The following THSD7B variants were observed in gnomAD, a reference collection of about 807,000 sequenced individuals.
THSD7B encodes thrombospondin type-1 domain-containing protein 7B.
THSD7B carries 138 observed loss-of-function variants against 213.6 expected under a neutral mutation model. That is an observed-to-expected ratio of 0.65 (90% confidence interval 0.56 to 0.74). The LOEUF is 0.74. Among genes scored for constraint, THSD7B ranks in the 30% least tolerant of loss-of-function variants. The pLI is 0.00. For synonymous variants in THSD7B, 742 were observed against 687.0 expected, an observed-to-expected ratio of 1.08 and a Z score of -1.25; for missense variants, 1,931 against 1,991.5, an observed-to-expected ratio of 0.97 and a Z score of 0.58.
At chr2:137,225,750 T>C (rs10198790) in intron 7 of THSD7B, among the ~76,000 whole-genome samples, 65,697 of 148,470 alleles carry the variant, frequency 0.44, 15,152 homozygotes, top group African/African-American at 0.53. Context: ...GTTTTTGTTA[T>C]TATAATATTT....
chr2:137,002,360 A>C (rs58171864), intron 2 of THSD7B, among the ~76,000 whole-genome samples: 9,122 of 152,164 alleles, frequency 0.06, 395 homozygotes, highest in East Asian at 0.12. Flanking sequence ...ACTGGGTCAC[A>C]TGAGCTGCCC....
chr2:136,897,584 A>C (rs1026584249), intron 2 of THSD7B, among the ~76,000 whole-genome samples: 17 of 152,172 alleles, frequency 1.1e-4, no homozygotes, highest in Admixed American at 1.1e-3. Context: ...GAGCGAAAGA[A>C]CAAAGCTTCC....
intron 12 of THSD7B, among the ~76,000 whole-genome samples, chr2:137,315,597 G>A (rs955460695): frequency 1.1e-4 from 17 of 150,192 alleles, no homozygotes; most frequent in African/African-American, 3.4e-4. Flanking sequence ...TTTTTTTTTC[G>A]TTTCTAGATT....
chr2:137,215,373 T>C (rs1681212721), intron 7 of THSD7B, among the ~76,000 whole-genome samples: 1 of 152,194 alleles, frequency 6.6e-6, no homozygotes, highest in South Asian at 2.1e-4. Context: ...GAAACTTTTC[T>C]CATCCTATTC....
chr2:137,395,131 T>C (rs1161444955), intron 12 of THSD7B, among the ~76,000 whole-genome samples: 2 of 144,406 alleles, frequency 1.4e-5, no homozygotes, highest in African/African-American at 5.1e-5. Flanking sequence ...GATTTCCTCT[T>C]CTCCTAATTG....
intron 17 of THSD7B, among the ~76,000 whole-genome samples, chr2:137,579,654 C>A (rs1216247754): frequency 6.6e-6 from 1 of 152,052 alleles, no homozygotes; most frequent in East Asian, 1.9e-4. Flanking sequence ...CTTTTAATTC[C>A]TTTTTCAGTT....
At chr2:136,906,406 A>C (rs1470067025) in intron 2 of THSD7B, 3 of 152,180 alleles carry the variant, frequency 2.0e-5, no homozygotes, top group African/African-American at 7.2e-5. Flanking sequence ...GAACAGGGTA[A>C]GATGCAGTGC....
At chr2:136,820,579 C>T (rs1313606182) in intron 1 of THSD7B, among the ~76,000 whole-genome samples, 1 of 152,046 alleles carries the variant, frequency 6.6e-6, no homozygotes, top group Non-Finnish European at 1.5e-5. Context: ...AGTTTCTGGA[C>T]TAAGGGGAAC....
chr2:137,116,256 A>G (rs911532298), intron 5 of THSD7B, among the ~76,000 whole-genome samples: 3 of 152,202 alleles, frequency 2.0e-5, no homozygotes, highest in Non-Finnish European at 2.9e-5. Context: ...TGCTTCAACA[A>G]CTGGTGCTAA....
chr2:137,094,728 A>C, intron 3 of THSD7B, 145 bp from the exon 4 acceptor site: 3 of 953,476 alleles, frequency 3.1e-6, no homozygotes, highest in Non-Finnish European at 3.1e-6. Context: ...ATATTTTTTC[A>C]TGATGTCTCT....
At chr2:136,871,579 C>T (rs910632875) in intron 1 of THSD7B, among the ~76,000 whole-genome samples, 2 of 152,002 alleles carry the variant, frequency 1.3e-5, no homozygotes, top group African/African-American at 2.4e-5. Context: ...AGAGATGATC[C>T]CATGAGGTAA....
chr2:137,039,792 C>T (rs1036319906), intron 2 of THSD7B, among the ~76,000 whole-genome samples: 4 of 152,228 alleles, frequency 2.6e-5, no homozygotes, highest in Non-Finnish European at 4.4e-5. Context: ...TTGCTTCCCC[C>T]CGTTTAAACT....
At chr2:137,259,276 G>A (rs1472876100) in intron 10 of THSD7B, among the ~76,000 whole-genome samples, 1 of 152,154 alleles carries the variant, frequency 6.6e-6, no homozygotes, top group African/African-American at 2.4e-5. Context: ...TTTCCACAAT[G>A]GTTGAACTAC....
chr2:136,938,738 C>G (rs1359428144), intron 2 of THSD7B, among the ~76,000 whole-genome samples: 1 of 152,082 alleles, frequency 6.6e-6, no homozygotes, highest in Admixed American at 6.6e-5. Context: ...AATGTGTGGA[C>G]AGAGCTTTTG....
chr2:136,952,125 C>T lies in THSD7B; in HGVS notation c.139+69808C>T, dbSNP rs573068925. ...CTCATGATCTGTCCACCTCAGCCTCCCAAAGTGCTGGGATTACAGGCATGA... is the reference window on the plus strand; with the variant it reads ...CTCATGATCTGTCCACCTCAGCCTCTCAAAGTGCTGGGATTACAGGCATGA... On this transcript the variant is annotated intron_variant, in intron 2 of 27. Transcript: ENST00000409968. 4.6e-5 allele frequency among the ~76,000 whole-genome samples: 7 copies of T among 152,214 alleles called. 1 individual carries two copies. The South Asian group carries it at 1.5e-3, about 32-fold the overall frequency.
chr2:137,350,513 C>G (rs1573976539), intron 12 of THSD7B, among the ~76,000 whole-genome samples: 1 of 151,674 alleles, frequency 6.6e-6, no homozygotes, highest in East Asian at 1.9e-4. Flanking sequence ...GGAGGGGGAT[C>G]ATGGAGGAGT....
intron 12 of THSD7B, among the ~76,000 whole-genome samples, chr2:137,330,822 G>C (rs887315403): frequency 1.3e-5 from 2 of 152,106 alleles, no homozygotes; most frequent in African/African-American, 2.4e-5. Flanking sequence ...GCTGGCTCAG[G>C]CAGCCTGCTT....
intron 2 of THSD7B, among the ~76,000 whole-genome samples, chr2:136,943,276 G>T (rs998199912): frequency 3.3e-5 from 5 of 152,164 alleles, no homozygotes; most frequent in East Asian, 1.9e-4. Context: ...GCTGGATTCA[G>T]TTTGCCAGTA....
chr2:137,206,674 A>T (rs191294400), intron 7 of THSD7B, among the ~76,000 whole-genome samples: 1 of 152,214 alleles, frequency 6.6e-6, no homozygotes, highest in Non-Finnish European at 1.5e-5. Context: ...GATTTTGCTC[A>T]GAAAAGCATT....
Sources: allele counts gnomAD v4.1 joint callset (sites outside exome capture counted in the v4.1 genomes callset), GRCh38; gene constraint gnomAD v4.1.1; transcripts MANE v1.5; gene names NCBI Gene and HGNC (gene_info 2026-07-23, HGNC 2026-07-21).